The following DNAH8 variants were observed in gnomAD, a reference collection of about 807,000 sequenced individuals.
DNAH8 encodes dynein axonemal heavy chain 8.
Under a neutral mutation model 562.1 loss-of-function variants are expected in DNAH8, and 382 were observed. The ratio of observed to expected loss-of-function variants is 0.68; its 90% confidence interval spans 0.63 to 0.74. The LOEUF is 0.74. Among genes scored for constraint, DNAH8 ranks in the 30% least tolerant of loss-of-function variants. The pLI is 0.00. For missense variants in DNAH8, 5,203 were observed against 5,620.4 expected (o/e 0.93, Z 2.37); for synonymous variants, 1,881 against 1,919.4 (o/e 0.98, Z 0.52).
chr6:38,943,327 G>A (rs1783604069), intron 79 of DNAH8, among the ~76,000 whole-genome samples: 2 of 152,158 alleles, frequency 1.3e-5, no homozygotes, highest in Non-Finnish European at 2.9e-5. Flanking sequence ...TTAAAAGATG[G>A]TATGACTTTG....
At chr6:38,798,564 A>C (rs1770506256) in intron 21 of DNAH8, among the ~76,000 whole-genome samples, 1 of 152,208 alleles carries the variant, frequency 6.6e-6, no homozygotes. Context: ...TGTTGAACAT[A>C]AGAGGAAGGT....
rs761015201 is a variant in DNAH8 at position 39,012,636 on chromosome 6, A to C, written c.13713A>C (p.Gln4571His). Reference protein sequence around the residue: ...VFWMTGFFNPQGFLTAMRQEV... With the variant: ...VFWMTGFFNPHGFLTAMRQEV... Reference sequence around the variant, plus strand: ...GGATGACTGGTTTCTTTAATCCCCAAGGTATGTGCTCATAGGAGATTTGGC... The same window carrying C: ...GGATGACTGGTTTCTTTAATCCCCACGGTATGTGCTCATAGGAGATTTGGC... Residue 4571 changes from glutamine to histidine, a missense_variant and splice_region_variant, in exon 91 of 93, where the codon CAA becomes CAC. Coordinates refer to ENST00000327475, the MANE Select transcript of DNAH8 (RefSeq NM_001206927.2). 22 of 1,612,124 alleles carry C rather than the reference A, an allele frequency of 1.4e-5. No individual in the cohort carries two copies. The highest frequency in any genetic ancestry group is 1.8e-5 in the Non-Finnish European group (21 of 1,178,186).
chr6:38,957,039 G>A (rs895234481), intron 82 of DNAH8, among the ~76,000 whole-genome samples: 1 of 152,114 alleles, frequency 6.6e-6, no homozygotes, highest in East Asian at 1.9e-4. Context: ...CTGCCTACAA[G>A]AGACTCATTT....
chr6:38,857,408 C>A, intron 41 of DNAH8, 110 bp from the exon 42 acceptor site: 1 of 674,096 alleles, frequency 1.5e-6, no homozygotes, highest in Non-Finnish European at 2.6e-6. Context: ...TGAAGAAATG[C>A]AAGTCAATCT....
rs1472053421 is a variant in DNAH8, at chr6:38,761,687, C to T, written c.1516-15C>T. 9.9e-6 allele frequency: 13 copies of T among 1,314,836 alleles called. No individual in the cohort carries two copies. The highest frequency in any genetic ancestry group is 4.6e-5 in the African/African-American group (3 of 65,114). 81.4% of individuals were successfully genotyped at this position (1,314,836 alleles called of 1,614,324 possible). A position where few individuals can be genotyped will look rare whatever the true frequency, so the allele number is the denominator to read the frequency against. The stretch of plus-strand genomic sequence containing the variant: ...CTTTTTACATATAATTATTTTGTAC[C>T]TATATTTATTTCAGGTAACAAATCA... On this transcript the variant is annotated splice_polypyrimidine_tract_variant and intron_variant, in intron 10 of 92. Transcript: ENST00000327475.
chr6:38,917,992 CTG>C lies in DNAH8; in HGVS notation c.10378_10379del (p.Val3460Ter). The stretch of plus-strand genomic sequence containing the variant: ...CCTAAGGACACTATAAATGAAGAGA[CTG>C]TTGAGTTACTACAGCCATATTTTAA... On this transcript the variant is annotated frameshift_variant, in exon 70 of 93. Coordinates refer to ENST00000327475, the MANE Select transcript of DNAH8 (RefSeq NM_001206927.2). LOFTEE classifies it high-confidence loss of function. The C allele has an allele frequency of 6.2e-7, 1 of 1,613,832 alleles. No homozygotes were observed. The highest frequency in any genetic ancestry group is 8.5e-7 in the Non-Finnish European group (1 of 1,179,844).
intron 11 of DNAH8, 112 bp downstream of exon 11, chr6:38,761,915 T>C (rs1766556944): frequency 1.9e-6 from 1 of 536,670 alleles, no homozygotes; most frequent in Non-Finnish European, 3.3e-6. Context: ...CAGAGTAGTG[T>C]TGAGAATATA....
intron 12 of DNAH8, among the ~76,000 whole-genome samples, chr6:38,773,609 T>A (rs988859148): frequency 1.1e-4 from 16 of 152,126 alleles, no homozygotes; most frequent in Non-Finnish European, 2.1e-4. Flanking sequence ...TTATCCCAGC[T>A]CCTCTGTGCT....
At position 38,973,661 on chromosome 6, in the gene DNAH8, G is replaced by T. The variant is rs1344978723; in HGVS notation, c.12526G>T (p.Gly4176Cys). The change falls in exon 84 of 93, where the codon GGT becomes TGT. Residue 4176 changes from glycine to cysteine, a missense_variant and splice_region_variant. By Grantham distance (159) the Gly-to-Cys change is radical (BLOSUM62 -3). Coordinates refer to ENST00000327475, the MANE Select transcript of DNAH8 (RefSeq NM_001206927.2). ...RKLIQMSMQQ[G>C]GWVLLQNCHL... ...AATATGAACTTATTTTTGGATACAG[G>T]GTGGTTGGGTATTACTACAAAATTG... The T allele has an allele frequency of 1.3e-6, 2 of 1,586,052 alleles. No homozygotes were observed. Among genetic ancestry groups the T allele is most frequent in the Non-Finnish European group, 1.7e-6 (2 of 1,169,934 alleles).
chr6:38,894,981 T>G (rs1011591475), intron 59 of DNAH8, 117 bp downstream of exon 59: 8 of 1,042,210 alleles, frequency 7.7e-6, no homozygotes, highest in Non-Finnish European at 8.1e-6. Flanking sequence ...CAGGCTGGAG[T>G]GCAATGGTGC....
intron 79 of DNAH8, among the ~76,000 whole-genome samples, chr6:38,942,258 T>C (rs549475173): frequency 1.4e-4 from 22 of 152,180 alleles, no homozygotes; most frequent in Non-Finnish European, 3.1e-4. Context: ...TTTGAATCTT[T>C]CCTTACTGGT....
intron 88 of DNAH8, among the ~76,000 whole-genome samples, chr6:38,991,300 T>C (rs991226220): frequency 6.6e-6 from 1 of 152,184 alleles, no homozygotes; most frequent in African/African-American, 2.4e-5. Flanking sequence ...CAAATGCCAA[T>C]GCTTCATTCC....
At position 38,982,501 on chromosome 6, in the gene DNAH8, CT is replaced by C. The variant is rs1561940979; in HGVS notation, c.12951+41del. On this transcript the variant is annotated intron_variant, in intron 86 of 92. Coordinates refer to ENST00000327475, the MANE Select transcript of DNAH8 (RefSeq NM_001206927.2). The stretch of plus-strand genomic sequence containing the variant: ...TGCCTTTTTTCCTGTTTTTATTGCT[CT>C]TCTTAAATCAGGGTTCTACAGTCAT... 9 of 1,058,130 alleles carry C rather than the reference CT, an allele frequency of 8.5e-6. 1 individual carries two copies. The South Asian group carries it at 1.1e-4, about 13-fold the overall frequency. 65.5% of individuals were successfully genotyped at this position (1,058,130 alleles called of 1,614,324 possible). A position where few individuals can be genotyped will look rare whatever the true frequency, so the allele number is the denominator to read the frequency against.
chr6:38,731,043 A>G (rs971312801), intron 4 of DNAH8, among the ~76,000 whole-genome samples: 1 of 152,114 alleles, frequency 6.6e-6, no homozygotes, highest in African/African-American at 2.4e-5. Flanking sequence ...GTGTTCTTCT[A>G]CCTTCCTCTA....
At chr6:38,768,929 C>T (rs1767291912) in intron 11 of DNAH8, among the ~76,000 whole-genome samples, 1 of 152,116 alleles carries the variant, frequency 6.6e-6, no homozygotes, top group Non-Finnish European at 1.5e-5. Context: ...AGAAATTACT[C>T]CCCCCAAATT....
At chr6:38,796,471 A>G (rs574853199) in intron 21 of DNAH8, among the ~76,000 whole-genome samples, 11 of 152,066 alleles carry the variant, frequency 7.2e-5, no homozygotes, top group African/African-American at 2.7e-4. Flanking sequence ...TCTTATGCCC[A>G]ATTTCTGCCT....
chr6:38,867,409 C>T (rs1047411610), intron 47 of DNAH8, among the ~76,000 whole-genome samples: 16 of 152,082 alleles, frequency 1.1e-4, no homozygotes, highest in African/African-American at 2.9e-4. Context: ...GTTATGTAAA[C>T]GGAATCACAT....
rs377129758 is a variant in DNAH8, at chr6:39,030,354, A to G, written c.14086A>G (p.Ile4696Val). The change falls in exon 93 of 93, where the codon ATC (isoleucine) becomes GTC (valine). Residue 4696 changes from isoleucine to valine, a missense_variant. Coordinates refer to ENST00000327475, the MANE Select transcript of DNAH8 (RefSeq NM_001206927.2). ...LRTVLSPDHWILRGVALLCDI... is the reference protein window; with the variant it reads ...LRTVLSPDHWVLRGVALLCDI... ...AACAGTGTTGTCCCCGGATCACTGGATCCTGAGAGGAGTGGCCCTTTTGTG... is the reference window on the plus strand; with the variant it reads ...AACAGTGTTGTCCCCGGATCACTGGGTCCTGAGAGGAGTGGCCCTTTTGTG... The G allele has an allele frequency of 3.0e-5, 48 of 1,614,158 alleles. No homozygotes were observed. The highest frequency in any genetic ancestry group is 4.1e-5 in the Non-Finnish European group (48 of 1,180,040).
At chr6:38,838,279 A>G (rs758702249) in intron 33 of DNAH8, among the ~76,000 whole-genome samples, 1 of 152,194 alleles carries the variant, frequency 6.6e-6, no homozygotes, top group Non-Finnish European at 1.5e-5. Flanking sequence ...CATGGTCTAT[A>G]TTTAGCCTAT....
Sources: gnomAD v4.1 joint callset for allele counts (sites outside exome capture counted in the v4.1 genomes callset) on GRCh38, gnomAD v4.1.1 for gene constraint, MANE v1.5 for transcripts, NCBI Gene and HGNC (gene_info 2026-07-23, HGNC 2026-07-21) for gene names.